The following ENAH variants were observed in gnomAD, a reference collection of about 807,000 sequenced individuals.
The protein encoded by ENAH is ENAH actin regulator.
Under a neutral mutation model 78.7 loss-of-function variants are expected in ENAH, and 23 were observed. That is an observed-to-expected ratio of 0.29 (90% CI 0.21 to 0.41). The LOEUF is 0.41. Ranked by LOEUF, ENAH falls within the 10% of genes least tolerant of loss-of-function variation. ENAH has a pLI of 1.00. For synonymous variants in ENAH, 226 were observed against 241.0 expected (o/e 0.94, Z 0.58); for missense variants, 544 against 691.0 (o/e 0.79, Z 2.39).
At chr1:225,525,847 G>A (rs1456240465) in intron 4 of ENAH, among the ~76,000 whole-genome samples, 2 of 151,982 alleles carry the variant, frequency 1.3e-5, no homozygotes, top group African/African-American at 4.8e-5. Context: ...ACTTATTCTA[G>A]GACAACATTC....
intron 1 of ENAH, among the ~76,000 whole-genome samples, chr1:225,570,224 A>T (rs1343268710): frequency 6.6e-6 from 1 of 151,312 alleles, no homozygotes; most frequent in Non-Finnish European, 1.5e-5. Context: ...ATCAAGGCCC[A>T]GCCAGGAAAG....
Position 225,494,809 on chromosome 1 carries a change from C to T in ENAH, c.*2966G>A, listed in dbSNP as rs1227447448. Reference sequence around the variant, plus strand: ...AGATTATCTAAGTGTCACAAACAAGCAACATATATATACTGCAATTTTATT... The same window carrying T: ...AGATTATCTAAGTGTCACAAACAAGTAACATATATATACTGCAATTTTATT... On this transcript the variant is annotated 3_prime_UTR_variant, in exon 14 of 14. Coordinates refer to ENST00000366843, the MANE Select transcript of ENAH (RefSeq NM_018212.6). The T allele has an allele frequency of 2.6e-5, 4 of 152,510 alleles. No individual in the cohort carries two copies. Among genetic ancestry groups the T allele is most frequent in the Non-Finnish European group, 4.4e-5 (3 of 68,006 alleles). The allele number at this position is 152,510 out of a possible 1,614,324, so 9.4% of individuals were successfully genotyped here. A position where few individuals can be genotyped will look rare whatever the true frequency, so the allele number is the denominator to read the frequency against.
At chr1:225,569,312 G>A (rs896389185) in intron 1 of ENAH, among the ~76,000 whole-genome samples, 1 of 152,162 alleles carries the variant, frequency 6.6e-6, no homozygotes, top group Admixed American at 6.5e-5. Context: ...AGATTCAAGA[G>A]ATAATGTCTT....
At chr1:225,650,635 G>A (rs1221495734) in intron 1 of ENAH, among the ~76,000 whole-genome samples, 1 of 151,940 alleles carries the variant, frequency 6.6e-6, no homozygotes, top group Non-Finnish European at 1.5e-5. Context: ...TGGATCACGA[G>A]GTCCGGAGTT....
intron 9 of ENAH, among the ~76,000 whole-genome samples, chr1:225,512,392 T>C (rs2096384134): frequency 6.6e-6 from 1 of 152,228 alleles, no homozygotes; most frequent in South Asian, 2.1e-4. Flanking sequence ...CATTCACTCA[T>C]TTAAGGAACA....
In ENAH at chr1:225,497,746, A is replaced by G. The variant is rs1189935279; in HGVS notation, c.*29T>C. The G allele has an allele frequency of 6.9e-6, 11 of 1,605,288 alleles. No homozygotes were observed. Among genetic ancestry groups the G allele is most frequent in the Admixed American group, 1.7e-5 (1 of 59,840 alleles). ...TTGTAGGATATTTTTCCTCCAGATT[A>G]AAGTCCTATCTCTCCTTAGTCTGTT... On this transcript the variant is annotated 3_prime_UTR_variant, in exon 14 of 14. Coordinates refer to ENST00000366843, the MANE Select transcript of ENAH (RefSeq NM_018212.6).
At position 225,573,616 on chromosome 1, in the gene ENAH, C is replaced by T. The variant is rs577779302; in HGVS notation, c.6-6202G>A. ...GGCAGCAAAATCAAGAACAGAAGCA[C>T]AAATACCAGACGAGAAAAAAAGGAG... is the stretch of plus-strand genomic sequence containing the variant. On this transcript the variant is annotated intron_variant, in intron 1 of 13. Coordinates refer to ENST00000366843, the MANE Select transcript of ENAH (RefSeq NM_018212.6). 7.9e-5 allele frequency among the ~76,000 whole-genome samples: 12 copies of T among 151,988 alleles called. No individual in the cohort carries two copies. In the East Asian group the frequency reaches 1.5e-3, roughly 20 times the overall value.
intron 1 of ENAH, among the ~76,000 whole-genome samples, chr1:225,606,771 A>G (rs1254123657): frequency 7.1e-6 from 1 of 140,498 alleles, no homozygotes; most frequent in African/African-American, 2.6e-5. Context: ...TGAACCCAGG[A>G]GGCAGGGATT....
At chr1:225,648,702 A>G (rs1265087407) in intron 1 of ENAH, among the ~76,000 whole-genome samples, 7 of 151,902 alleles carry the variant, frequency 4.6e-5, no homozygotes, top group Admixed American at 3.3e-4. Flanking sequence ...GTATCCTTTC[A>G]TGGATATCTC....
chr1:225,584,221 C>T (rs895094450), intron 1 of ENAH, among the ~76,000 whole-genome samples: 10 of 152,064 alleles, frequency 6.6e-5, no homozygotes, highest in Non-Finnish European at 1.5e-4. Context: ...AAACTTGTAA[C>T]GTTATCTTAA....
At chr1:225,525,961 A>C (rs2096500910) in intron 4 of ENAH, among the ~76,000 whole-genome samples, 1 of 152,190 alleles carries the variant, frequency 6.6e-6, no homozygotes, top group Non-Finnish European at 1.5e-5. Context: ...AGAAGCTAGC[A>C]AACTGTATAC....
intron 1 of ENAH, among the ~76,000 whole-genome samples, chr1:225,632,399 G>A (rs1659249726): frequency 6.6e-6 from 1 of 151,762 alleles, no homozygotes; most frequent in Non-Finnish European, 1.5e-5. Context: ...TCAGGAGACT[G>A]AGGCAGGAGA....
intron 1 of ENAH, among the ~76,000 whole-genome samples, chr1:225,629,422 C>T (rs766936536): frequency 6.6e-5 from 10 of 151,978 alleles, no homozygotes; most frequent in Non-Finnish European, 1.0e-4. Context: ...CCCACCTCTA[C>T]TAAAAATGCA....
chr1:225,571,653 C>T (rs1211183993), intron 1 of ENAH, among the ~76,000 whole-genome samples: 4 of 152,180 alleles, frequency 2.6e-5, no homozygotes, highest in Admixed American at 6.5e-5. Context: ...CCACACTTCC[C>T]ACCTCATTAC....
At chr1:225,537,139 A>C (rs1000809469) in intron 3 of ENAH, among the ~76,000 whole-genome samples, 1 of 152,112 alleles carries the variant, frequency 6.6e-6, no homozygotes, top group Admixed American at 6.5e-5. Flanking sequence ...AGAAAAAAAA[A>C]CCCATAAGGA....
chr1:225,563,116 G>A (rs541575096), intron 2 of ENAH, among the ~76,000 whole-genome samples: 6 of 152,202 alleles, frequency 3.9e-5, no homozygotes, highest in African/African-American at 1.4e-4. Context: ...ACAAAAATGC[G>A]AGTGGCTTTT....
intron 4 of ENAH, chr1:225,524,596 C>G: frequency 2.0e-6 from 2 of 985,382 alleles, no homozygotes; most frequent in Non-Finnish European, 2.4e-6. Flanking sequence ...AGTTGATACT[C>G]ACAAGAGAAG....
intron 1 of ENAH, among the ~76,000 whole-genome samples, chr1:225,591,488 CG>C (rs1199133003): frequency 1.4e-5 from 2 of 142,140 alleles, no homozygotes; most frequent in Non-Finnish European, 3.0e-5. Flanking sequence ...AAAAAACAGT[CG>C]GGTGTGGTGG....
intron 11 of ENAH, chr1:225,504,975 C>T (rs1375398370): frequency 1.2e-6 from 2 of 1,601,794 alleles, no homozygotes; most frequent in Non-Finnish European, 1.7e-6. Flanking sequence ...ATCACAACGT[C>T]ACAGCAGGAT....
Sources: gnomAD v4.1 joint callset for allele counts (sites outside exome capture counted in the v4.1 genomes callset) on GRCh38, gnomAD v4.1.1 for gene constraint, MANE v1.5 for transcripts, NCBI Gene and HGNC (gene_info 2026-07-23, HGNC 2026-07-21) for gene names.